The following GLIS3 variants were observed in gnomAD, a reference collection of about 807,000 sequenced individuals.
GLIS3 encodes the protein zinc finger protein GLIS3.
Under a neutral mutation model 78.6 loss-of-function variants are expected in GLIS3, and 53 were observed. The ratio of observed to expected loss-of-function variants is 0.67; its 90% confidence interval spans 0.54 to 0.85. The LOEUF (loss-of-function observed/expected upper bound fraction) is 0.85, where lower values mean the gene tolerates loss of function less well. Among genes scored for constraint, GLIS3 ranks in the 40% least tolerant of loss-of-function variants. The pLI is 0.00. For missense variants in GLIS3, 1,703 were observed against 1,231.1 expected, an observed-to-expected ratio of 1.38 and a Z score of -5.74; for synonymous variants, 684 against 509.9, an observed-to-expected ratio of 1.34 and a Z score of -4.60.
chr9:3,957,734 G>T (rs956827736), intron 4 of GLIS3, among the ~76,000 whole-genome samples: 4 of 152,142 alleles, frequency 2.6e-5, no homozygotes, highest in Admixed American at 2.6e-4. Flanking sequence ...GTCATTCCCA[G>T]TCCATCTCAG....
At chr9:3,877,172 C>T (rs1184752957) in intron 8 of GLIS3, among the ~76,000 whole-genome samples, 1 of 151,998 alleles carries the variant, frequency 6.6e-6, no homozygotes, top group Non-Finnish European at 1.5e-5. Flanking sequence ...CTCAGCCAGG[C>T]AGAATGAAAT....
chr9:4,186,416 G>C (rs1817801924), intron 2 of GLIS3, among the ~76,000 whole-genome samples: 1 of 151,920 alleles, frequency 6.6e-6, no homozygotes, highest in South Asian at 2.1e-4. Flanking sequence ...CATTTGGGTT[G>C]GTTGCAAGTC....
chr9:4,073,899 G>C lies in GLIS3; in HGVS notation c.1710+43869C>G, dbSNP rs531035778. ...TAATTGCTCTGTGTGTGTCTGATGT[G>C]TGTAAGTACACAAAGTCCTGCTTAC... On this transcript the variant is annotated intron_variant, in intron 4 of 10. Coordinates refer to ENST00000381971, the MANE Select transcript of GLIS3 (RefSeq NM_001042413.2). Among the ~76,000 whole-genome samples the C allele has an allele frequency of 5.3e-5, 8 of 152,318 alleles. No homozygotes were observed. In the East Asian group the frequency reaches 1.5e-3, roughly 29 times the overall value.
upstream of GLIS3, among the ~76,000 whole-genome samples, chr9:4,352,857 T>C (rs1429894148): frequency 6.6e-6 from 1 of 152,204 alleles, no homozygotes; most frequent in Non-Finnish European, 1.5e-5. Flanking sequence ...TGAAGAGAAT[T>C]TGTGAACTTT....
At chr9:4,330,007 G>GC (rs1284274180) in intron 2 of GLIS3, among the ~76,000 whole-genome samples, 5 of 152,068 alleles carry the variant, frequency 3.3e-5, no homozygotes, top group African/African-American at 1.2e-4. Flanking sequence ...CTTGAACAGA[G>GC]CCCTTGCCAA....
At chr9:4,133,368 G>A (rs1239262646) in intron 2 of GLIS3, among the ~76,000 whole-genome samples, 1 of 152,214 alleles carries the variant, frequency 6.6e-6, no homozygotes, top group Non-Finnish European at 1.5e-5. Flanking sequence ...TAGGTTTTGA[G>A]ACTCCCATTC....
At chr9:4,469,688 G>C in the GLIS3 span, among the ~76,000 whole-genome samples, 65 of 152,318 alleles carry the variant, frequency 4.3e-4, no homozygotes, top group Non-Finnish European at 6.6e-4. Context: ...AAGCAGGAAA[G>C]ATCTAAAATC....
At chr9:4,037,806 G>T (rs1196326021) in intron 4 of GLIS3, among the ~76,000 whole-genome samples, 2 of 152,086 alleles carry the variant, frequency 1.3e-5, no homozygotes, top group African/African-American at 2.4e-5. Context: ...CTTATGAAAT[G>T]TTCAAGTCTT....
chr9:4,232,965 T>C (rs1469516294), intron 2 of GLIS3, among the ~76,000 whole-genome samples: 2 of 152,206 alleles, frequency 1.3e-5, no homozygotes, highest in African/African-American at 2.4e-5. Context: ...TTAAGCCAGG[T>C]TCTTCTCTGT....
chr9:4,140,162 A>G (rs778457567), intron 2 of GLIS3, among the ~76,000 whole-genome samples: 1 of 152,194 alleles, frequency 6.6e-6, no homozygotes, highest in Non-Finnish European at 1.5e-5. Context: ...TGTCTCCACA[A>G]AAAATACAAA....
chr9:4,414,037 A>T, the GLIS3 span, among the ~76,000 whole-genome samples: 24 of 152,300 alleles, frequency 1.6e-4, no homozygotes, highest in Admixed American at 1.6e-3. Context: ...ACCATGCCAT[A>T]TTTCTCGGGA....
chr9:4,414,288 A>C, the GLIS3 span, among the ~76,000 whole-genome samples: 8 of 152,228 alleles, frequency 5.3e-5, no homozygotes, highest in African/African-American at 1.9e-4. Context: ...TGATAAATGG[A>C]AGACATGGCA....
chr9:4,291,920 C>A (rs1359610128), intron 1 of GLIS3, among the ~76,000 whole-genome samples: 2 of 152,104 alleles, frequency 1.3e-5, no homozygotes, highest in African/African-American at 4.8e-5. Flanking sequence ...ATTTACTTTG[C>A]CCCAGTCATT....
chr9:4,323,148 C>T (rs1396081355), intron 2 of GLIS3, among the ~76,000 whole-genome samples: 1 of 152,122 alleles, frequency 6.6e-6, no homozygotes, highest in African/African-American at 2.4e-5. Flanking sequence ...CCAGTTTTCC[C>T]AGCACCATTT....
intron 2 of GLIS3, among the ~76,000 whole-genome samples, chr9:4,168,009 C>G (rs1276411739): frequency 6.6e-6 from 1 of 152,166 alleles, no homozygotes; most frequent in African/African-American, 2.4e-5. Flanking sequence ...GCACCCTGGC[C>G]TAGGGCTTTA....
At chr9:3,931,446 C>G (rs1825609229) in intron 6 of GLIS3, among the ~76,000 whole-genome samples, 1 of 152,142 alleles carries the variant, frequency 6.6e-6, no homozygotes, top group African/African-American at 2.4e-5. Flanking sequence ...CGTTGAGTCT[C>G]AAACTGCCCT....
At chr9:4,109,281 A>C (rs1831021224) in intron 4 of GLIS3, among the ~76,000 whole-genome samples, 1 of 152,344 alleles carries the variant, frequency 6.6e-6, no homozygotes, top group East Asian at 1.9e-4. Flanking sequence ...AAAAGGAAAT[A>C]TTTAACTAAT....
rs538583989 is a variant in GLIS3 at position 3,826,243 on chromosome 9, T to A, written c.*2029A>T. On this transcript the variant is annotated 3_prime_UTR_variant, in exon 11 of 11. Coordinates refer to ENST00000381971, the MANE Select transcript of GLIS3 (RefSeq NM_001042413.2). ...TTGTAAAGGCTTCCATATTTAAGTA[T>A]GAATAGATGGTTTCTCTGAAGATAG... is the stretch of plus-strand genomic sequence containing the variant. The A allele has an allele frequency of 2.0e-5, 3 of 152,350 alleles. No individual in the cohort carries two copies. Among genetic ancestry groups the A allele is most frequent in the Non-Finnish European group, 4.4e-5 (3 of 68,032 alleles). The allele number at this position is 152,350 out of a possible 1,614,324, so 9.4% of individuals were successfully genotyped here.
the GLIS3 span, among the ~76,000 whole-genome samples, chr9:4,463,581 CTT>C: frequency 6.6e-6 from 1 of 152,288 alleles, no homozygotes; most frequent in African/African-American, 2.4e-5. Context: ...CTGATGGCAT[CTT>C]AATCCGCCTA....
Sources: gnomAD v4.1 joint callset for allele counts (sites outside exome capture counted in the v4.1 genomes callset) on GRCh38, gnomAD v4.1.1 for gene constraint, MANE v1.5 for transcripts, NCBI Gene and HGNC (gene_info 2026-07-23, HGNC 2026-07-21) for gene names.